Variants in PAPPA observed in about 807,000 individuals in gnomAD.
PAPPA encodes pappalysin 1, also known as pappalysin-1.
A neutral mutation model predicts 164.0 loss-of-function variants in PAPPA; 60 were observed. The ratio of observed to expected loss-of-function variants is 0.37; its 90% CI spans 0.30 to 0.45. The LOEUF (loss-of-function observed/expected upper bound fraction) is 0.45, where lower values mean the gene tolerates loss of function less well. Ranked by LOEUF, PAPPA falls within the 20% of genes least tolerant of loss-of-function variation. PAPPA has a pLI of 1.00. For synonymous variants in PAPPA, 875 were observed against 814.1 expected, an observed-to-expected ratio of 1.07 and a Z score of -1.27; for missense variants, 1,782 against 2,087.3, an observed-to-expected ratio of 0.85 and a Z score of 2.85.
chr9:116,270,826 C>A (rs1057063273), intron 8 of PAPPA, among the ~76,000 whole-genome samples: 1 of 150,910 alleles, frequency 6.6e-6, no homozygotes, highest in African/African-American at 2.4e-5. Context: ...GGAAGGATGA[C>A]TAAACTTGAA....
intron 1 of PAPPA, among the ~76,000 whole-genome samples, chr9:116,178,002 G>A (rs1200831657): frequency 6.6e-6 from 1 of 152,072 alleles, no homozygotes; most frequent in Non-Finnish European, 1.5e-5. Flanking sequence ...TCATTTCAGA[G>A]AACAGTGTCA....
At chr9:116,192,235 C>G (rs1008708248) in intron 2 of PAPPA, among the ~76,000 whole-genome samples, 2 of 152,094 alleles carry the variant, frequency 1.3e-5, no homozygotes, top group African/African-American at 4.8e-5. Context: ...GGGAGTGGAC[C>G]TGCATTAGCA....
chr9:116,234,143 A>G (rs1844631645), intron 6 of PAPPA, among the ~76,000 whole-genome samples: 1 of 152,128 alleles, frequency 6.6e-6, no homozygotes, highest in Admixed American at 6.5e-5. Flanking sequence ...GCCAATCACT[A>G]CATTGAGTCC....
chr9:116,195,997 G>A (rs930726582), intron 2 of PAPPA, among the ~76,000 whole-genome samples: 2 of 152,028 alleles, frequency 1.3e-5, no homozygotes, highest in Non-Finnish European at 2.9e-5. Flanking sequence ...CAGCAAAAAA[G>A]CAAAGGCATG....
intron 10 of PAPPA, among the ~76,000 whole-genome samples, chr9:116,326,046 C>A (rs187859423): frequency 6.6e-6 from 1 of 152,056 alleles, no homozygotes; most frequent in Non-Finnish European, 1.5e-5. Flanking sequence ...GAAAGTGGAT[C>A]CAGGAGTCTC....
In PAPPA at chr9:116,277,795, G is replaced by A. The variant is rs1253996665; in HGVS notation, c.2953+6379G>A. On this transcript the variant is annotated intron_variant, in intron 9 of 21. Transcript: ENST00000328252. ...AGGTTCAAGTGATTCTCCTACGTCA[G>A]CCTCCTGAGTAGCTGGGATTACAGG... Among the ~76,000 whole-genome samples the A allele has an allele frequency of 2.0e-5, 3 of 152,110 alleles. No homozygotes were observed. In the East Asian group the frequency reaches 5.8e-4, roughly 29 times the overall value.
chr9:116,249,629 G>A (rs1394605678), intron 7 of PAPPA, among the ~76,000 whole-genome samples: 2 of 152,160 alleles, frequency 1.3e-5, no homozygotes, highest in Non-Finnish European at 2.9e-5. Flanking sequence ...AGTAGATGAT[G>A]GCACTTGTCT....
intron 21 of PAPPA, 120 bp downstream of exon 21, chr9:116,382,613 G>A (rs948337744): frequency 1.7e-4 from 108 of 648,862 alleles, no homozygotes; most frequent in Middle Eastern, 2.9e-4. Context: ...CTGTCCACAC[G>A]CTTTATTTCT....
intron 9 of PAPPA, chr9:116,286,000 G>C (rs1218509171): frequency 6.6e-6 from 1 of 152,134 alleles, no homozygotes; most frequent in African/African-American, 2.4e-5. Flanking sequence ...TCAGACCCCT[G>C]AACTGGGCTG....
At chr9:116,190,054 C>T (rs1844023386) in intron 2 of PAPPA, among the ~76,000 whole-genome samples, 4 of 152,214 alleles carry the variant, frequency 2.6e-5, no homozygotes, top group Admixed American at 2.6e-4. Context: ...TCTCTGCTTT[C>T]ACTTGGGCCT....
In PAPPA at chr9:116,161,172, C is replaced by G. The variant is rs551293823; in HGVS notation, c.415+6585C>G. Among the ~76,000 whole-genome samples, 5 of 152,290 alleles carry G rather than the reference C, an allele frequency of 3.3e-5. No individual in the cohort carries two copies. In the South Asian group the frequency reaches 1.0e-3, roughly 32 times the overall value. ...AAGGTGCTTTTATTATGATCATTCA[C>G]ACTGTAGATGATAAACAGTGATGGA... On this transcript the variant is annotated intron_variant, in intron 1 of 21. Coordinates refer to ENST00000328252, the MANE Select transcript of PAPPA (RefSeq NM_002581.5).
intron 7 of PAPPA, among the ~76,000 whole-genome samples, chr9:116,247,996 C>G (rs1005756470): frequency 6.6e-6 from 1 of 152,158 alleles, no homozygotes; most frequent in African/African-American, 2.4e-5. Context: ...GAACATGATG[C>G]AATCTAGTGA....
At chr9:116,183,227 C>G (rs1843927943) in intron 1 of PAPPA, among the ~76,000 whole-genome samples, 1 of 152,078 alleles carries the variant, frequency 6.6e-6, no homozygotes, top group Admixed American at 6.5e-5. Flanking sequence ...GTATAGAGAT[C>G]CTCAGAGGAG....
At chr9:116,206,544 C>A (rs954415393) in intron 2 of PAPPA, among the ~76,000 whole-genome samples, 1 of 152,072 alleles carries the variant, frequency 6.6e-6, no homozygotes, top group African/African-American at 2.4e-5. Context: ...AATTCAATTC[C>A]ATCAAAATCT....
chr9:116,184,109 G>C (rs1213394995), intron 1 of PAPPA, among the ~76,000 whole-genome samples: 1 of 152,166 alleles, frequency 6.6e-6, no homozygotes, highest in Admixed American at 6.5e-5. Flanking sequence ...CTTTTCATGA[G>C]GGATAGGGTT....
chr9:116,230,213 G>A (rs1844572870), intron 6 of PAPPA, among the ~76,000 whole-genome samples: 1 of 152,174 alleles, frequency 6.6e-6, no homozygotes, highest in Admixed American at 6.5e-5. Flanking sequence ...TACAGTCTCT[G>A]TGATCCTTTT....
chr9:116,308,684 C>T (rs758740293), intron 10 of PAPPA, among the ~76,000 whole-genome samples: 12 of 152,262 alleles, frequency 7.9e-5, no homozygotes, highest in East Asian at 1.9e-4. Flanking sequence ...ATATGTGGTA[C>T]GTATTTAAGG....
chr9:116,397,425 C>T lies in PAPPA; in HGVS notation c.*809C>T, dbSNP rs1846979975. The stretch of plus-strand genomic sequence containing the variant: ...TCCCTCTAGGACTTACCTGTTCCCC[C>T]AGATCTTGCCTTGGGACCACATTTG... On this transcript the variant is annotated 3_prime_UTR_variant, in exon 22 of 22. Coordinates refer to ENST00000328252, the MANE Select transcript of PAPPA (RefSeq NM_002581.5). The T allele has an allele frequency of 6.5e-6, 1 of 152,830 alleles. No homozygotes were observed. The highest frequency in any genetic ancestry group is 2.4e-5 in the African/African-American group (1 of 41,456). 9.5% of individuals were successfully genotyped at this position (152,830 alleles called of 1,614,324 possible). A position where few individuals can be genotyped will look rare whatever the true frequency, so the allele number is the denominator to read the frequency against.
intron 12 of PAPPA, 34 bp downstream of exon 12, chr9:116,332,502 A>G: frequency 3.8e-6 from 6 of 1,587,508 alleles, no homozygotes; most frequent in Middle Eastern, 1.7e-4. Flanking sequence ...GCTTGCTTTC[A>G]GTACCTGATT....
Sources: allele counts gnomAD v4.1 joint callset (sites outside exome capture counted in the v4.1 genomes callset), GRCh38; gene constraint gnomAD v4.1.1; transcripts MANE v1.5; gene names NCBI Gene and HGNC (gene_info 2026-07-23, HGNC 2026-07-21).